The following VPS72 variants were observed in gnomAD, a reference collection of about 807,000 sequenced individuals.
VPS72 encodes the protein vacuolar protein sorting-associated protein 72 homolog.
VPS72 carries 27 observed loss-of-function variants against 38.9 expected under a neutral mutation model. The observed-to-expected ratio is 0.69, with a 90% CI of 0.51 to 0.96. VPS72 has a LOEUF of 0.96. VPS72 is among the 40% of genes least tolerant of loss of function. The probability of loss-of-function intolerance (pLI) is 0.00; values close to 1 mark genes in which losing one functional copy is unlikely to be tolerated. For missense variants in VPS72, 360 were observed against 479.5 expected (o/e 0.75, Z 2.33); for synonymous variants, 173 against 186.3 (o/e 0.93, Z 0.58).
chr1:151,177,597 T>C (rs1572089816), intron 5 of VPS72, among the ~76,000 whole-genome samples: 1 of 152,120 alleles, frequency 6.6e-6, no homozygotes, highest in South Asian at 2.1e-4. Flanking sequence ...CTGGGCGCGG[T>C]GGCTCACACC....
chr1:151,190,053 T>C lies in VPS72; in HGVS notation c.69A>G (p.Ala23=). ...AGNRLSGLLE[A]EEEDEFYQTT... ...TCTGGTAGAACTCATCTTCCTCCTC[T>C]GCCTCCAAAAGCCCAGAAAGCCGGT... The change falls in exon 1 of 6, where the codon GCA becomes GCG. Residue 23 remains alanine, a synonymous_variant. Transcript: ENST00000368892. 3.1e-6 allele frequency: 5 copies of C among 1,614,086 alleles called. No homozygotes were observed. Among genetic ancestry groups the C allele is most frequent in the South Asian group, 2.2e-5 (2 of 91,068 alleles).
At chr1:151,181,279 C>T (rs1684234197) in intron 4 of VPS72, among the ~76,000 whole-genome samples, 4 of 150,610 alleles carry the variant, frequency 2.7e-5, no homozygotes, top group African/African-American at 4.9e-5. Flanking sequence ...ACTCTGTTGC[C>T]CAGGCTGGAG....
chr1:151,178,241 T>C (rs1476580129), intron 4 of VPS72, 96 bp from the exon 5 acceptor site: 2 of 1,441,196 alleles, frequency 1.4e-6, no homozygotes, highest in Non-Finnish European at 1.8e-6. Flanking sequence ...TCTTCCTGGC[T>C]ATCTAGTCAC....
intron 1 of VPS72, among the ~76,000 whole-genome samples, 166 bp from the exon 2 acceptor site, chr1:151,186,116 C>G (rs1036594449): frequency 1.3e-5 from 2 of 152,212 alleles, no homozygotes; most frequent in African/African-American, 4.8e-5. Flanking sequence ...TGGCCTTTGG[C>G]TCCAGTACCA....
At position 151,176,941 on chromosome 1, in the gene VPS72, G is replaced by C; in HGVS notation, c.798C>G (p.Ile266Met). The change falls in exon 6 of 6, where the codon ATC (isoleucine) becomes ATG (methionine). Residue 266 changes from isoleucine to methionine, a missense_variant. By Grantham distance (10) the Ile-to-Met change is conservative. Transcript: ENST00000368892. Reference sequence around the variant, plus strand: ...CGAAAGTTGCATCATCACTAAAAGTGATGAAGGTACGTGAGCAGCGAGCAG... The same window carrying C: ...CGAAAGTTGCATCATCACTAAAAGTCATGAAGGTACGTGAGCAGCGAGCAG... The part of the protein sequence containing the change: ...NPPARCSRTF[I>M]TFSDDATFEE... 6.2e-7 allele frequency: 1 copy of C among 1,613,528 alleles called. No homozygotes were observed. The highest frequency in any genetic ancestry group is 8.5e-7 in the Non-Finnish European group (1 of 1,179,510).
At chr1:151,181,323 C>T (rs1451898415) in intron 4 of VPS72, among the ~76,000 whole-genome samples, 2 of 151,506 alleles carry the variant, frequency 1.3e-5, no homozygotes, top group Non-Finnish European at 2.9e-5. Context: ...CTGCAACCTC[C>T]GCCTCCCGGG....
intron 4 of VPS72, among the ~76,000 whole-genome samples, chr1:151,179,250 G>A (rs991070495): frequency 7.9e-5 from 12 of 151,804 alleles, no homozygotes; most frequent in Non-Finnish European, 2.9e-5. Context: ...GCACTCCAAC[G>A]CGGGCAATAA....
Position 151,183,850 on chromosome 1 carries a change from C to T in VPS72, c.562+467G>A, listed in dbSNP as rs1222084619. On this transcript the variant is annotated intron_variant, in intron 4 of 5. Coordinates refer to ENST00000368892, the MANE Select transcript of VPS72 (RefSeq NM_005997.3). Reference sequence around the variant, plus strand: ...ATGAAGGACTAATCTGCTGACTTCACGTTCTCATGATTATCATTAAAGTCA... The same window carrying T: ...ATGAAGGACTAATCTGCTGACTTCATGTTCTCATGATTATCATTAAAGTCA... Among the ~76,000 whole-genome samples the T allele has an allele frequency of 2.6e-5, 4 of 151,544 alleles. No individual in the cohort carries two copies. In the East Asian group the frequency reaches 7.7e-4, roughly 29 times the overall value.
At chr1:151,183,978 T>C (rs1684293696) in intron 4 of VPS72, among the ~76,000 whole-genome samples, 1 of 151,938 alleles carries the variant, frequency 6.6e-6, no homozygotes, top group Non-Finnish European at 1.5e-5. Flanking sequence ...CCTGCCTAAA[T>C]TTCCTGAGTC....
chr1:151,184,999 TTTTTTTC>T (rs1213794135), intron 3 of VPS72, among the ~76,000 whole-genome samples: 1 of 152,174 alleles, frequency 6.6e-6, no homozygotes, highest in Non-Finnish European at 1.5e-5. Flanking sequence ...TTATGTGTGG[TTTTTTTC>T]TGAATGATCT....
At chr1:151,177,143 T>G (rs1008689188) in intron 5 of VPS72, 112 bp from the exon 6 acceptor site, 21 of 1,190,412 alleles carry the variant, frequency 1.8e-5, no homozygotes, top group African/African-American at 6.2e-5. Flanking sequence ...TTCCAGCACT[T>G]TGGGAGGCTG....
intron 4 of VPS72, among the ~76,000 whole-genome samples, chr1:151,179,736 T>C (rs374190317): frequency 6.0e-5 from 9 of 150,962 alleles, no homozygotes; most frequent in African/African-American, 2.2e-4. Flanking sequence ...CTACTAAAAA[T>C]ACCAAATGAG....
intron 3 of VPS72, 78 bp downstream of exon 3, chr1:151,185,428 A>T: frequency 7.0e-7 from 1 of 1,426,126 alleles, no homozygotes; most frequent in East Asian, 2.3e-5. Flanking sequence ...ACCCAGCAAC[A>T]TCAGTAAATT....
intron 4 of VPS72, among the ~76,000 whole-genome samples, chr1:151,180,678 C>T (rs1218171037): frequency 6.6e-6 from 1 of 152,110 alleles, no homozygotes; most frequent in Non-Finnish European, 1.5e-5. Context: ...CCTCGTGATC[C>T]GCCCACCTCA....
At chr1:151,185,138 T>G (rs1684322206) in intron 3 of VPS72, among the ~76,000 whole-genome samples, 1 of 152,104 alleles carries the variant, frequency 6.6e-6, no homozygotes, top group Non-Finnish European at 1.5e-5. Flanking sequence ...AATTTTTTCT[T>G]CTTTTTATTA....
At position 151,184,757 on chromosome 1, in the gene VPS72, T is replaced by C. The variant is rs139708097; in HGVS notation, c.386-264A>G. On this transcript the variant is annotated intron_variant, in intron 3 of 5. Coordinates refer to ENST00000368892, the MANE Select transcript of VPS72 (RefSeq NM_005997.3). ...CATGCCACCACATCCAGCTAATTTT[T>C]TGTATTTTTAGTAGAGATGGGGTTT... 1.9e-3 allele frequency among the ~76,000 whole-genome samples: 291 copies of C among 152,064 alleles called. 2 individuals carry two copies. The highest frequency in any genetic ancestry group is 6.5e-3 in the African/African-American group (268 of 41,468).
chr1:151,188,816 T>C (rs1230622257), intron 1 of VPS72, among the ~76,000 whole-genome samples: 1 of 152,158 alleles, frequency 6.6e-6, no homozygotes, highest in African/African-American at 2.4e-5. Context: ...ACACCTTGTT[T>C]TAGTCCTTAT....
chr1:151,181,556 T>C (rs1684240857), intron 4 of VPS72, among the ~76,000 whole-genome samples: 1 of 152,094 alleles, frequency 6.6e-6, no homozygotes, highest in East Asian at 1.9e-4. Context: ...TTTTCCTTTT[T>C]AAATCATGCT....
Position 151,185,858 on chromosome 1 carries a change from G to A in VPS72, c.210C>T (p.Ser70=), listed in dbSNP as rs767405152. 2.5e-6 allele frequency: 4 copies of A among 1,614,070 alleles called. No homozygotes were observed. The highest frequency in any genetic ancestry group is 3.4e-6 in the Non-Finnish European group (4 of 1,180,012). Residue 70 remains serine (S), a synonymous_variant, in exon 2 of 6, where the codon TCC becomes TCT. Coordinates refer to ENST00000368892, the MANE Select transcript of VPS72 (RefSeq NM_005997.3). ...DFDIDEGDEP[S]SDGEAEEPRR... ...TTGGCTCTTCTGCTTCTCCATCACT[G>A]GATGGTTCATCCCCTTCATCAATGT...
Sources: allele counts gnomAD v4.1 joint callset (sites outside exome capture counted in the v4.1 genomes callset), GRCh38; gene constraint gnomAD v4.1.1; transcripts MANE v1.5; gene names NCBI Gene and HGNC (gene_info 2026-07-23, HGNC 2026-07-21).